Variants in DISP1 observed in about 807,000 individuals in gnomAD.
The protein encoded by DISP1 is dispatched RND transporter family member 1, also known as protein dispatched homolog 1.
Under a neutral mutation model 37.3 loss-of-function variants are expected in DISP1, and 30 were observed. The ratio of observed to expected loss-of-function variants is 0.80; its 90% CI spans 0.60 to 1.09. The LOEUF is 1.09. Ranked by LOEUF, DISP1 falls within the 50% of genes least tolerant of loss-of-function variation. The pLI, the probability that DISP1 is intolerant of heterozygous loss-of-function variation, is 0.00. For synonymous variants in DISP1, 634 were observed against 690.2 expected (o/e 0.92, Z 1.28); for missense variants, 1,598 against 1,879.5 (o/e 0.85, Z 2.77).
intron 1 of DISP1, among the ~76,000 whole-genome samples, chr1:222,847,261 A>G (rs1267711519): frequency 2.0e-5 from 3 of 152,212 alleles, no homozygotes; most frequent in Non-Finnish European, 4.4e-5. Context: ...ATTCTGTCAT[A>G]ATAAGATATT....
intron 8 of DISP1, among the ~76,000 whole-genome samples, chr1:222,997,644 T>C (rs1679169546): frequency 6.6e-6 from 1 of 152,210 alleles, no homozygotes; most frequent in East Asian, 1.9e-4. Flanking sequence ...TCTAAAGGAA[T>C]AGATGTACTC....
At chr1:222,888,243 G>A (rs759002319) in intron 1 of DISP1, among the ~76,000 whole-genome samples, 6 of 152,172 alleles carry the variant, frequency 3.9e-5, no homozygotes, top group African/African-American at 7.2e-5. Flanking sequence ...AGTCTCGCTA[G>A]TAATTTTTAA....
At chr1:222,884,998 G>A (rs1670504244) in intron 1 of DISP1, among the ~76,000 whole-genome samples, 3 of 151,992 alleles carry the variant, frequency 2.0e-5, no homozygotes, top group Admixed American at 6.6e-5. Flanking sequence ...CACTACGCCC[G>A]GCTAATTTTG....
chr1:222,906,314 TG>T (rs1455771581), intron 1 of DISP1, among the ~76,000 whole-genome samples: 2 of 152,172 alleles, frequency 1.3e-5, no homozygotes, highest in African/African-American at 4.8e-5. Flanking sequence ...CGATGTGCTT[TG>T]GGGGAACTTT....
chr1:222,848,790 AG>A (rs1474519480), intron 1 of DISP1, among the ~76,000 whole-genome samples: 1 of 152,208 alleles, frequency 6.6e-6, no homozygotes, highest in East Asian at 1.9e-4. Flanking sequence ...TATGTATAGC[AG>A]TGTACTTAGT....
chr1:222,928,242 A>G (rs980042780), intron 1 of DISP1, among the ~76,000 whole-genome samples, 188 bp from the exon 2 acceptor site: 1 of 152,182 alleles, frequency 6.6e-6, no homozygotes, highest in African/African-American at 2.4e-5. Context: ...TGTCACCTTC[A>G]TATCCTGGCT....
chr1:222,969,108 C>T (rs1023074515), intron 3 of DISP1, among the ~76,000 whole-genome samples: 3 of 150,508 alleles, frequency 2.0e-5, no homozygotes, highest in Admixed American at 6.6e-5. Context: ...CGGTGGCTCA[C>T]GCCTGTAATC....
At chr1:222,865,505 C>T (rs747056387) in intron 1 of DISP1, among the ~76,000 whole-genome samples, 1 of 152,040 alleles carries the variant, frequency 6.6e-6, no homozygotes, top group African/African-American at 2.4e-5. Flanking sequence ...TCTTAAAAGC[C>T]TTTCCTGTTT....
chr1:222,977,910 C>T (rs1394070733), intron 3 of DISP1, among the ~76,000 whole-genome samples: 1 of 152,126 alleles, frequency 6.6e-6, no homozygotes, highest in African/African-American at 2.4e-5. Context: ...GTATATGTGC[C>T]ACATTTTCTT....
intron 1 of DISP1, among the ~76,000 whole-genome samples, chr1:222,873,820 T>G (rs1669740803): frequency 6.6e-6 from 1 of 152,326 alleles, no homozygotes; most frequent in Non-Finnish European, 1.5e-5. Context: ...GTTATTATGA[T>G]GTTAGCTGGT....
In DISP1 at chr1:222,893,120, G is replaced by T. The variant is rs1037533052; in HGVS notation, c.-158-35310G>T. Among the ~76,000 whole-genome samples the T allele has an allele frequency of 7.9e-5, 12 of 151,960 alleles. No homozygotes were observed. The highest frequency in any genetic ancestry group is 2.9e-4 in the African/African-American group (12 of 41,360). On this transcript the variant is annotated intron_variant, in intron 1 of 8. Coordinates refer to ENST00000675850, the MANE Select transcript of DISP1 (RefSeq NM_001377229.1). This position sits in a 1 kb window ranked among gnomAD's most constrained non-coding sequence, Gnocchi z 4.3. ...CAGGTATAGATCATTTTTATGTTACGAAAATATCGATCTTATCACAATACC... is the reference window on the plus strand; with the variant it reads ...CAGGTATAGATCATTTTTATGTTACTAAAATATCGATCTTATCACAATACC...
At position 222,892,121 on chromosome 1, in the gene DISP1, C is replaced by T. The variant is rs187946036; in HGVS notation, c.-158-36309C>T. ...TTATGTTTTTCTAGATTCCCAAATG[C>T]TGAAAAATTTGGTGGGGAAATCAGG... On this transcript the variant is annotated intron_variant, in intron 1 of 8. Transcript: ENST00000675850. Among the ~76,000 whole-genome samples the T allele has an allele frequency of 4.6e-5, 7 of 152,158 alleles. No individual in the cohort carries two copies. The East Asian group carries it at 1.4e-3, about 29-fold the overall frequency.
chr1:222,884,473 CT>C (rs1343321638), intron 1 of DISP1, among the ~76,000 whole-genome samples: 4 of 152,150 alleles, frequency 2.6e-5, no homozygotes, highest in African/African-American at 9.7e-5. Context: ...CTGTCTTTAT[CT>C]TTCATGACCC....
At chr1:222,867,313 A>G (rs1054559283) in intron 1 of DISP1, among the ~76,000 whole-genome samples, 2 of 152,188 alleles carry the variant, frequency 1.3e-5, no homozygotes, top group Non-Finnish European at 2.9e-5. Flanking sequence ...ATATATAATA[A>G]TGAGATTTTT....
chr1:222,921,801 A>G lies in DISP1; in HGVS notation c.-158-6629A>G, dbSNP rs998470623. On this transcript the variant is annotated intron_variant, in intron 1 of 8. Transcript: ENST00000675850. ...CCTAGTACATGGTATAATATACTTTATATCCCTTCTTAAGGGGTATAAAAA... is the reference window on the plus strand; with the variant it reads ...CCTAGTACATGGTATAATATACTTTGTATCCCTTCTTAAGGGGTATAAAAA... 2.6e-5 allele frequency among the ~76,000 whole-genome samples: 4 copies of G among 152,228 alleles called. No individual in the cohort carries two copies. The East Asian group carries it at 7.7e-4, about 29-fold the overall frequency.
At position 222,994,963 on chromosome 1, in the gene DISP1, G is replaced by A; in HGVS notation, c.968G>A (p.Cys323Tyr). The A allele has an allele frequency of 6.2e-7, 1 of 1,612,160 alleles. No individual in the cohort carries two copies. Among genetic ancestry groups the A allele is most frequent in the Non-Finnish European group, 8.5e-7 (1 of 1,178,698 alleles). The change falls in exon 8 of 9, where the codon TGC (cysteine) becomes TAC (tyrosine). Residue 323 changes from cysteine (C) to tyrosine (Y), a missense_variant. By Grantham distance (194) the Cys-to-Tyr change is radical. Transcript: ENST00000675850. ...LWNLPAIKSMCNVDNSRIRSH... is the reference protein window; with the variant it reads ...LWNLPAIKSMYNVDNSRIRSH... The stretch of plus-strand genomic sequence containing the variant: ...AATTTACCTGCAATTAAATCAATGT[G>A]CAATGTAGATAATTCCAGGGTATGT...
At chr1:222,827,906 A>G (rs1162206599) in intron 1 of DISP1, among the ~76,000 whole-genome samples, 1 of 152,200 alleles carries the variant, frequency 6.6e-6, no homozygotes, top group Non-Finnish European at 1.5e-5. Flanking sequence ...AATTCTATGT[A>G]ATAGTTGTGA....
intron 1 of DISP1, among the ~76,000 whole-genome samples, chr1:222,854,161 C>T (rs1668422540): frequency 6.6e-6 from 1 of 152,200 alleles, no homozygotes; most frequent in Non-Finnish European, 1.5e-5. Context: ...TTTTATAACT[C>T]TGTTTCCTTG....
chr1:222,895,167 G>C (rs1306905518), intron 1 of DISP1, among the ~76,000 whole-genome samples: 1 of 152,204 alleles, frequency 6.6e-6, no homozygotes, highest in East Asian at 1.9e-4. Context: ...AAAGGGCAGG[G>C]CTGAGATACC....
Sources: gnomAD v4.1 joint callset for allele counts (sites outside exome capture counted in the v4.1 genomes callset) on GRCh38, gnomAD v4.1.1 for gene constraint, Gnocchi (gnomAD v3.1) non-coding constraint, MANE v1.5 for transcripts, NCBI Gene and HGNC (gene_info 2026-07-23, HGNC 2026-07-21) for gene names.